The following GLIS3 variants were observed in gnomAD, a reference collection of about 807,000 sequenced individuals.
GLIS3 encodes zinc finger protein GLIS3.
A neutral mutation model predicts 78.6 loss-of-function variants in GLIS3; 53 were observed. That is an observed-to-expected ratio of 0.67 (90% CI 0.54 to 0.85). GLIS3 has a LOEUF of 0.85. Ranked by LOEUF, GLIS3 falls within the 40% of genes least tolerant of loss-of-function variation. GLIS3 has a pLI of 0.00. For synonymous variants in GLIS3, 684 were observed against 509.9 expected (o/e 1.34, Z -4.60); for missense variants, 1,703 against 1,231.1 (o/e 1.38, Z -5.74).
intron 2 of GLIS3, among the ~76,000 whole-genome samples, chr9:4,249,516 G>A (rs967399407): frequency 6.6e-6 from 1 of 152,148 alleles, no homozygotes; most frequent in Non-Finnish European, 1.5e-5. Flanking sequence ...AGGAGGTTTG[G>A]GGCTGAGACA....
chr9:3,962,206 T>A (rs1376227727), intron 4 of GLIS3, among the ~76,000 whole-genome samples: 1 of 151,460 alleles, frequency 6.6e-6, no homozygotes, highest in Non-Finnish European at 1.5e-5. Context: ...GGGAACAGAG[T>A]GAGGCCTTGT....
intron 4 of GLIS3, among the ~76,000 whole-genome samples, chr9:4,044,928 G>C (rs1234572877): frequency 1.3e-5 from 2 of 152,154 alleles, no homozygotes; most frequent in Non-Finnish European, 2.9e-5. Context: ...AAAAACTTTT[G>C]ATTAAGCCAA....
In GLIS3 at chr9:3,892,623, T is replaced by TA. The variant is rs1293648891; in HGVS notation, c.2128+6067dup. 2.0e-5 allele frequency among the ~76,000 whole-genome samples: 3 copies of TA among 152,074 alleles called. No individual in the cohort carries two copies. The East Asian group carries it at 5.8e-4, about 29-fold the overall frequency. ...AAGATTTTCAGTACCCATACAAGTATAAAAAAGATGAAATTTCACTGTGGC... is the reference window on the plus strand; with the variant it reads ...AAGATTTTCAGTACCCATACAAGTATAAAAAAAGATGAAATTTCACTGTGGC... On this transcript the variant is annotated intron_variant, in intron 7 of 10. Coordinates refer to ENST00000381971, the MANE Select transcript of GLIS3 (RefSeq NM_001042413.2).
intron 2 of GLIS3, among the ~76,000 whole-genome samples, chr9:4,194,821 C>A (rs374412620): frequency 2.8e-4 from 43 of 152,312 alleles, no homozygotes; most frequent in African/African-American, 9.9e-4. Flanking sequence ...CTGGAGCTAA[C>A]TTAGGGAGAC....
intron 4 of GLIS3, among the ~76,000 whole-genome samples, chr9:4,083,867 G>A (rs1270132669): frequency 6.6e-6 from 1 of 152,144 alleles, no homozygotes; most frequent in African/African-American, 2.4e-5. Context: ...AATAATTTCT[G>A]GTTTCACTTG....
In GLIS3 at chr9:4,327,494, G is replaced by A. The variant is rs148877162; in HGVS notation, n.265-16966C>T. ...ACTAGGGAAGTCCTGGAGCAGAGGA[G>A]ACCAGACAGATTCAAGTGGGATTTA... On this transcript the variant is annotated intron_variant and non_coding_transcript_variant, in intron 2 of 4. Coordinates refer to the GLIS3 transcript ENST00000471664. 7.3e-3 allele frequency among the ~76,000 whole-genome samples: 1,111 copies of A among 152,270 alleles called. 7 individuals are homozygous for A. Among genetic ancestry groups the A allele is most frequent in the Non-Finnish European group, 0.012 (807 of 68,012 alleles).
intron 2 of GLIS3, among the ~76,000 whole-genome samples, chr9:4,159,639 A>C (rs538591783): frequency 6.6e-6 from 1 of 152,226 alleles, no homozygotes; most frequent in African/African-American, 2.4e-5. Context: ...AAATTGCTTG[A>C]ATCCGGGAGG....
At chr9:4,454,150 TAAAAAAAAA>T in the GLIS3 span, among the ~76,000 whole-genome samples, 2 of 128,854 alleles carry the variant, frequency 1.6e-5, no homozygotes, top group Non-Finnish European at 3.3e-5. Flanking sequence ...TATATGATGA[TAAAAAAAAA>T]AAAAAAAAAA....
chr9:4,138,254 T>A (rs1413846665), intron 2 of GLIS3, among the ~76,000 whole-genome samples: 1 of 152,212 alleles, frequency 6.6e-6, no homozygotes, highest in Non-Finnish European at 1.5e-5. Flanking sequence ...GAACGCATAT[T>A]GTCATGGGAG....
At chr9:4,439,507 A>C in the GLIS3 span, among the ~76,000 whole-genome samples, 2 of 151,718 alleles carry the variant, frequency 1.3e-5, no homozygotes, top group African/African-American at 2.4e-5. Context: ...CTGGGCAAAA[A>C]TTTTTTCCTC....
chr9:4,394,044 T>C, the GLIS3 span, among the ~76,000 whole-genome samples: 1 of 151,948 alleles, frequency 6.6e-6, no homozygotes, highest in Non-Finnish European at 1.5e-5. Flanking sequence ...CTGAACCCAG[T>C]TCCATTAAAA....
the GLIS3 span, among the ~76,000 whole-genome samples, chr9:4,421,269 C>T: frequency 6.6e-6 from 1 of 152,168 alleles, no homozygotes; most frequent in Non-Finnish European, 1.5e-5. Flanking sequence ...TCCCACAGGA[C>T]AGGAAAGGGG....
At chr9:4,158,768 T>C (rs1200394215) in intron 2 of GLIS3, among the ~76,000 whole-genome samples, 1 of 152,078 alleles carries the variant, frequency 6.6e-6, no homozygotes, top group East Asian at 1.9e-4. Flanking sequence ...GAATATACAA[T>C]AATATGAGTG....
rs115506446 is a variant in GLIS3, at chr9:3,939,199, G to A, written c.1711-2010C>T. 3.0e-3 allele frequency among the ~76,000 whole-genome samples: 451 copies of A among 152,280 alleles called. 4 individuals carry two copies. Among genetic ancestry groups the A allele is most frequent in the African/African-American group, 0.011 (439 of 41,558 alleles). Reference sequence around the variant, plus strand: ...ACAGTCACCTCAGATCTTGATCTGAGAGAAAGCTGCATTGTTTCAGCACCA... The same window carrying A: ...ACAGTCACCTCAGATCTTGATCTGAAAGAAAGCTGCATTGTTTCAGCACCA... On this transcript the variant is annotated intron_variant, in intron 4 of 10. Coordinates refer to ENST00000381971, the MANE Select transcript of GLIS3 (RefSeq NM_001042413.2).
chr9:4,111,228 T>C (rs532882780), intron 4 of GLIS3, among the ~76,000 whole-genome samples: 32 of 152,244 alleles, frequency 2.1e-4, no homozygotes, highest in Non-Finnish European at 4.0e-4. Flanking sequence ...ACAAAACAAA[T>C]ATGAACTAAA....
chr9:4,381,109 G>A, the GLIS3 span, among the ~76,000 whole-genome samples: 1 of 152,078 alleles, frequency 6.6e-6, no homozygotes, highest in African/African-American at 2.4e-5. Flanking sequence ...AAAAAGGAGA[G>A]GAAGAACCAA....
At chr9:4,086,750 G>A (rs1829058196) in intron 4 of GLIS3, among the ~76,000 whole-genome samples, 1 of 152,194 alleles carries the variant, frequency 6.6e-6, no homozygotes, top group South Asian at 2.1e-4. Context: ...CTGTGCACAG[G>A]AGGGACTTTC....
At chr9:4,338,646 T>A (rs531962545) in intron 2 of GLIS3, among the ~76,000 whole-genome samples, 8 of 152,182 alleles carry the variant, frequency 5.3e-5, no homozygotes, top group Admixed American at 5.2e-4. Context: ...TGCATGAAGT[T>A]TGGGGACAGA....
chr9:4,483,339 G>A, the GLIS3 span, among the ~76,000 whole-genome samples: 1 of 152,182 alleles, frequency 6.6e-6, no homozygotes, highest in Admixed American at 6.5e-5. Flanking sequence ...GGACACAGGT[G>A]AATGGACTCT....
Sources: allele counts gnomAD v4.1 joint callset (sites outside exome capture counted in the v4.1 genomes callset), GRCh38; gene constraint gnomAD v4.1.1; transcripts MANE v1.5; gene names NCBI Gene and HGNC (gene_info 2026-07-23, HGNC 2026-07-21).